Variants in HPS1 observed in about 807,000 individuals in gnomAD.
HPS1 encodes BLOC-3 complex member HPS1.
HPS1 carries 59 observed loss-of-function variants against 90.6 expected under a neutral mutation model. The ratio of observed to expected loss-of-function variants is 0.65; its 90% CI spans 0.53 to 0.81. The LOEUF (loss-of-function observed/expected upper bound fraction) is 0.81. HPS1 is among the 30% of genes least tolerant of loss of function. HPS1 has a pLI of 0.00. For synonymous variants in HPS1, 388 were observed against 384.4 expected, an observed-to-expected ratio of 1.01 and a Z score of -0.11; for missense variants, 849 against 896.7, an observed-to-expected ratio of 0.95 and a Z score of 0.68.
intron 3 of HPS1, among the ~76,000 whole-genome samples, chr10:98,440,085 T>C (rs1474950969): frequency 6.6e-6 from 1 of 152,228 alleles, no homozygotes; most frequent in Non-Finnish European, 1.5e-5. Flanking sequence ...TTCTGAACTG[T>C]GAGTCAATTA....
intron 10 of HPS1, 90 bp downstream of exon 10, chr10:98,429,483 G>T: frequency 6.2e-7 from 1 of 1,606,284 alleles, no homozygotes; most frequent in Non-Finnish European, 8.5e-7. Flanking sequence ...TAGGAGGCAC[G>T]GGGGTCCACT....
intron 5 of HPS1, among the ~76,000 whole-genome samples, chr10:98,434,418 T>A (rs1846992472): frequency 6.7e-6 from 1 of 149,672 alleles, no homozygotes; most frequent in African/African-American, 2.5e-5. Flanking sequence ...CACAGAAAGA[T>A]CTGGTCCATC....
At chr10:98,431,560 C>T (rs1846481139) in intron 6 of HPS1, among the ~76,000 whole-genome samples, 2 of 152,240 alleles carry the variant, frequency 1.3e-5, no homozygotes, top group African/African-American at 4.8e-5. Flanking sequence ...AAATACACAG[C>T]ACTAGGCTAG....
rs1847181738 is a variant in HPS1 at position 98,435,446 on chromosome 10, C to T, written c.256-32G>A. On this transcript the variant is annotated intron_variant, in intron 4 of 19. Coordinates refer to ENST00000361490, the MANE Select transcript of HPS1 (RefSeq NM_000195.5). The surrounding 1 kb of genome is among the most constrained non-coding windows in gnomAD (Gnocchi z 4.3). The stretch of plus-strand genomic sequence containing the variant: ...GCACAGGCAGGCCAGTGTCAGCCAG[C>T]CCCAAGGGCACTCCCTTCACCTGCC... 4 of 1,613,578 alleles carry T rather than the reference C, an allele frequency of 2.5e-6. No homozygotes were observed. The South Asian group carries it at 4.4e-5, about 18-fold the overall frequency.
intron 3 of HPS1, among the ~76,000 whole-genome samples, chr10:98,438,402 A>T (rs957995920): frequency 6.6e-6 from 1 of 152,212 alleles, no homozygotes; most frequent in African/African-American, 2.4e-5. Context: ...AGGCTGAGGT[A>T]GTCTCAGATG....
chr10:98,435,483 A>C lies in HPS1; in HGVS notation c.256-69T>G. 2 of 1,612,538 alleles carry C rather than the reference A, an allele frequency of 1.2e-6. No individual in the cohort carries two copies. The highest frequency in any genetic ancestry group is 1.7e-6 in the Non-Finnish European group (2 of 1,178,916). On this transcript the variant is annotated intron_variant, in intron 4 of 19. Transcript: ENST00000361490. The surrounding 1 kb of genome is among the most constrained non-coding windows in gnomAD (Gnocchi z 4.3). Reference sequence around the variant, plus strand: ...TCCCTTCACCTGCCCTGGTCTCTGCAGACAAGCCAGGGGAGGCTCGGGTCC... The same window carrying C: ...TCCCTTCACCTGCCCTGGTCTCTGCCGACAAGCCAGGGGAGGCTCGGGTCC...
At chr10:98,425,183 C>T (rs1419287194) in intron 13 of HPS1, among the ~76,000 whole-genome samples, 1 of 152,228 alleles carries the variant, frequency 6.6e-6, no homozygotes, top group African/African-American at 2.4e-5. Context: ...AGAGGAAGCC[C>T]GTGACGGGCG....
chr10:98,426,033 A>G, intron 11 of HPS1, 48 bp from the exon 12 acceptor site: 1 of 1,545,060 alleles, frequency 6.5e-7, no homozygotes, highest in Non-Finnish European at 8.9e-7. Flanking sequence ...CCTAAGTTGG[A>G]CCCACCCATT....
chr10:98,427,391 G>C (rs1352358989), intron 10 of HPS1, 127 bp from the exon 11 acceptor site: 6 of 749,482 alleles, frequency 8.0e-6, no homozygotes, highest in Non-Finnish European at 1.4e-5. Flanking sequence ...CTCCACGCAG[G>C]GGTGCTAATG....
downstream of HPS1, chr10:98,415,149 T>G (rs754652000): frequency 1.9e-6 from 3 of 1,610,842 alleles, no homozygotes; most frequent in East Asian, 4.5e-5. Context: ...TGCCCCAGGC[T>G]GGGCCTTGCT....
chr10:98,435,787 G>C lies in HPS1; in HGVS notation c.118-15C>G. ...AGGGCAGGGAGCTGCAAAAATGGGG[G>C]AAAATTTCACAGCTTAGAGTGGGCC... On this transcript the variant is annotated splice_polypyrimidine_tract_variant and intron_variant, in intron 3 of 19. Coordinates refer to ENST00000361490, the MANE Select transcript of HPS1 (RefSeq NM_000195.5). The surrounding 1 kb of genome is among the most constrained non-coding windows in gnomAD (Gnocchi z 4.3). 6.2e-7 allele frequency: 1 copy of C among 1,614,138 alleles called. No homozygotes were observed. The highest frequency in any genetic ancestry group is 8.5e-7 in the Non-Finnish European group (1 of 1,180,010).
chr10:98,425,924 C>T lies in HPS1; in HGVS notation c.1049G>A (p.Arg350Lys). The change falls in exon 12 of 20, where the codon AGG becomes AAG. Residue 350 changes from arginine (R) to lysine (K), a missense_variant. Transcript: ENST00000361490. The part of the protein sequence containing the change: ...PHCPVPSGPR[R>K]IFLDANVKES... ...CTTCACGTTGGCATCCAGGAAGATC[C>T]TTCTGGGGCCGGAAGGCACAGGGCA... is the stretch of plus-strand genomic sequence containing the variant. The T allele has an allele frequency of 6.2e-7, 1 of 1,614,106 alleles. No individual in the cohort carries two copies. The highest frequency in any genetic ancestry group is 8.5e-7 in the Non-Finnish European group (1 of 1,179,952).
rs190326552 is a variant in HPS1, at chr10:98,419,936, G to A, written c.1857+109C>T. The A allele has an allele frequency of 1.5e-5, 13 of 840,680 alleles. No individual in the cohort carries two copies. In the Admixed American group the frequency reaches 1.7e-4, roughly 11 times the overall value. 52.1% of individuals were successfully genotyped at this position (840,680 alleles called of 1,614,324 possible). On this transcript the variant is annotated intron_variant, in intron 18 of 19. Coordinates refer to ENST00000361490, the MANE Select transcript of HPS1 (RefSeq NM_000195.5). ...AACCTGCTGGGCTTACCAGCAACAA[G>A]AAGAGAAGATGAGACAGACAGACAA...
intron 5 of HPS1, 101 bp from the exon 6 acceptor site, chr10:98,434,192 T>C: frequency 8.3e-7 from 1 of 1,205,502 alleles, no homozygotes. Context: ...CAGAGCTTGG[T>C]GAGCCCATAT....
chr10:98,414,953 G>C, downstream of HPS1: 1 of 1,581,806 alleles, frequency 6.3e-7, no homozygotes, highest in South Asian at 1.2e-5. Context: ...ACCAAGCTCT[G>C]AGCAGGGCTG....
intron 6 of HPS1, among the ~76,000 whole-genome samples, chr10:98,432,977 G>A (rs1027312288): frequency 6.6e-6 from 1 of 152,176 alleles, no homozygotes; most frequent in Non-Finnish European, 1.5e-5. Flanking sequence ...GCTCATGCCT[G>A]TAATCCCAGC....
chr10:98,434,740 C>T (rs1466769386), intron 5 of HPS1, among the ~76,000 whole-genome samples: 1 of 152,046 alleles, frequency 6.6e-6, no homozygotes, highest in Non-Finnish European at 1.5e-5. Context: ...AACTACAAGC[C>T]TTTTCTGGGG....
chr10:98,415,758 T>C (rs1844017965), downstream of HPS1, among the ~76,000 whole-genome samples: 1 of 141,616 alleles, frequency 7.1e-6, no homozygotes, highest in Non-Finnish European at 1.5e-5. Flanking sequence ...AGTCCTCTCC[T>C]AAATGCTCAA....
At position 98,435,319 on chromosome 10, in the gene HPS1, T is replaced by C. The variant is rs1203966778; in HGVS notation, c.351A>G (p.Glu117=). The change falls in exon 5 of 20, where the codon GAA becomes GAG. Residue 117 remains glutamate, a synonymous_variant. Coordinates refer to ENST00000361490, the MANE Select transcript of HPS1 (RefSeq NM_000195.5). The surrounding 1 kb of genome is among the most constrained non-coding windows in gnomAD (Gnocchi z 4.3). ...RKLYVLKYLF[E]VHFGLVTVDG... ...CCACAGTCACCAGCCCAAAGTGCAC[T>C]TCAAACAGGTACTTGAGCACATACA... 6.2e-7 allele frequency: 1 copy of C among 1,613,624 alleles called. No individual in the cohort carries two copies. The highest frequency in any genetic ancestry group is 1.3e-5 in the African/African-American group (1 of 74,760).
Sources: gnomAD v4.1 joint callset for allele counts (sites outside exome capture counted in the v4.1 genomes callset) on GRCh38, gnomAD v4.1.1 for gene constraint, Gnocchi (gnomAD v3.1) non-coding constraint, MANE v1.5 for transcripts, NCBI Gene and HGNC (gene_info 2026-07-23, HGNC 2026-07-21) for gene names.